The following SLC39A11 variants were observed in gnomAD, a reference collection of about 807,000 sequenced individuals.
SLC39A11 encodes the protein solute carrier family 39 member 11, also known as zinc transporter ZIP11.
A neutral mutation model predicts 36.1 loss-of-function variants in SLC39A11; 33 were observed. That is an observed-to-expected ratio of 0.91 (90% confidence interval 0.69 to 1.22). The LOEUF is 1.22. Among genes scored for constraint, SLC39A11 ranks in the 50% most tolerant of loss-of-function variants. The pLI is 0.00. For missense variants in SLC39A11, 432 were observed against 430.3 expected, an observed-to-expected ratio of 1.00 and a Z score of -0.03; for synonymous variants, 166 against 170.3, an observed-to-expected ratio of 0.97 and a Z score of 0.20.
At chr17:72,892,035 A>G (rs78501978) in intron 5 of SLC39A11, among the ~76,000 whole-genome samples, 1 of 66,886 alleles carries the variant, frequency 1.5e-5, no homozygotes. Context: ...AGATAAGACT[A>G]TTTTTTTTCC....
At chr17:72,910,962 A>G (rs2082960668) in intron 5 of SLC39A11, among the ~76,000 whole-genome samples, 1 of 151,036 alleles carries the variant, frequency 6.6e-6, no homozygotes, top group South Asian at 2.1e-4. Flanking sequence ...TGTTCTTTGC[A>G]TCAGAATAAT....
At chr17:72,794,108 T>G (rs137925944) in intron 6 of SLC39A11, among the ~76,000 whole-genome samples, 1 of 152,274 alleles carries the variant, frequency 6.6e-6, no homozygotes, top group East Asian at 1.9e-4. Context: ...TTACCCATCC[T>G]GAGAAAATGA....
At chr17:72,839,335 G>A (rs963023610) in intron 6 of SLC39A11, 5 of 152,136 alleles carry the variant, frequency 3.3e-5, no homozygotes, top group Non-Finnish European at 5.9e-5. Context: ...TACCTTTCAT[G>A]ACAAAGGAGA....
intron 7 of SLC39A11, among the ~76,000 whole-genome samples, chr17:72,716,122 G>A (rs1050211879): frequency 3.3e-5 from 5 of 151,922 alleles, no homozygotes; most frequent in African/African-American, 1.2e-4. Context: ...GCCCAAGGGA[G>A]CCCCCCTGCA....
intron 7 of SLC39A11, among the ~76,000 whole-genome samples, chr17:72,654,665 C>T (rs761141874): frequency 4.6e-5 from 7 of 152,172 alleles, no homozygotes; most frequent in Non-Finnish European, 7.3e-5. Context: ...TTGCAAAGTC[C>T]GAAGTGCAAG....
At chr17:72,935,307 G>A (rs976536270) in intron 5 of SLC39A11, among the ~76,000 whole-genome samples, 2 of 152,124 alleles carry the variant, frequency 1.3e-5, no homozygotes, top group African/African-American at 4.8e-5. Context: ...GTGACATTCT[G>A]GAAGAGGCAA....
At chr17:72,960,352 T>C (rs533949619) in intron 4 of SLC39A11, among the ~76,000 whole-genome samples, 3 of 152,322 alleles carry the variant, frequency 2.0e-5, no homozygotes, top group Non-Finnish European at 4.4e-5. Flanking sequence ...TTATCATAGA[T>C]AGATGGATGG....
chr17:73,036,906 T>C (rs550307383), intron 3 of SLC39A11, among the ~76,000 whole-genome samples: 1 of 152,330 alleles, frequency 6.6e-6, no homozygotes, highest in Admixed American at 6.5e-5. Context: ...TTCCCCGCTA[T>C]TCCCTGGAAA....
At chr17:72,947,986 C>G (rs765202991) in intron 4 of SLC39A11, 111 bp from the exon 5 acceptor site, 757 of 1,377,568 alleles carry the variant, frequency 5.5e-4, no homozygotes, top group Non-Finnish European at 7.0e-4. Context: ...AAGACCGCCA[C>G]AGCTGAGCCA....
intron 7 of SLC39A11, among the ~76,000 whole-genome samples, chr17:72,732,880 C>T (rs1347132419): frequency 6.6e-6 from 1 of 152,222 alleles, no homozygotes; most frequent in Non-Finnish European, 1.5e-5. Flanking sequence ...TTGTACCATA[C>T]ACCCTTTGTG....
intron 6 of SLC39A11, among the ~76,000 whole-genome samples, chr17:72,798,819 TG>T: frequency 6.6e-6 from 1 of 151,986 alleles, no homozygotes; most frequent in South Asian, 2.1e-4. Flanking sequence ...ACAATATGAA[TG>T]GGTGAGGGAC....
At chr17:72,759,437 A>C (rs920531119) in intron 6 of SLC39A11, among the ~76,000 whole-genome samples, 1 of 152,226 alleles carries the variant, frequency 6.6e-6, no homozygotes, top group Non-Finnish European at 1.5e-5. Flanking sequence ...GGAGAATACA[A>C]AGGATTCTTA....
intron 7 of SLC39A11, among the ~76,000 whole-genome samples, chr17:72,657,559 GA>G (rs2070190175): frequency 6.6e-6 from 1 of 152,104 alleles, no homozygotes; most frequent in African/African-American, 2.4e-5. Flanking sequence ...AGAATTCCCT[GA>G]ATACAGTGTC....
chr17:72,658,963 C>G (rs889706556), intron 7 of SLC39A11, among the ~76,000 whole-genome samples: 2 of 152,174 alleles, frequency 1.3e-5, no homozygotes, highest in Non-Finnish European at 2.9e-5. Context: ...CTATTCCCCC[C>G]AGACTGGTGA....
intron 4 of SLC39A11, among the ~76,000 whole-genome samples, chr17:73,028,868 A>T (rs1165718144): frequency 1.3e-5 from 2 of 151,816 alleles, no homozygotes; most frequent in East Asian, 1.9e-4. Flanking sequence ...CTATAATCCC[A>T]GCACTTTGGG....
chr17:72,845,769 T>C (rs553985302), intron 6 of SLC39A11, among the ~76,000 whole-genome samples: 2 of 152,192 alleles, frequency 1.3e-5, no homozygotes, highest in East Asian at 1.9e-4. Context: ...GGGAAAGAAA[T>C]GTCCCTTCAA....
At chr17:72,898,999 T>C (rs2082173849) in intron 5 of SLC39A11, among the ~76,000 whole-genome samples, 1 of 151,274 alleles carries the variant, frequency 6.6e-6, no homozygotes, top group Non-Finnish European at 1.5e-5. Context: ...TAAAAGCCAC[T>C]TGACCGACCC....
intron 5 of SLC39A11, among the ~76,000 whole-genome samples, chr17:72,894,754 G>T (rs1018266705): frequency 3.9e-5 from 6 of 152,120 alleles, no homozygotes; most frequent in Non-Finnish European, 7.4e-5. Flanking sequence ...TCAGAGAGGG[G>T]AATAATTAAT....
chr17:73,027,700 T>TC (rs2148648012), intron 4 of SLC39A11, among the ~76,000 whole-genome samples: 1 of 152,296 alleles, frequency 6.6e-6, no homozygotes, highest in African/African-American at 2.4e-5. Context: ...ACCATTCTCT[T>TC]CCCACCAACC....
Sources: allele counts gnomAD v4.1 joint callset (sites outside exome capture counted in the v4.1 genomes callset), GRCh38; gene constraint gnomAD v4.1.1; transcripts MANE v1.5; gene names NCBI Gene and HGNC (gene_info 2026-07-23, HGNC 2026-07-21).